The following UBQLN1 variants were observed in gnomAD, a reference collection of about 807,000 sequenced individuals.
UBQLN1 encodes ubiquilin-1.
UBQLN1 carries 13 observed loss-of-function variants against 65.4 expected under a neutral mutation model. The ratio of observed to expected loss-of-function variants is 0.20; its 90% CI spans 0.13 to 0.32. UBQLN1 has a LOEUF of 0.32. Among genes scored for constraint, UBQLN1 ranks in the 10% least tolerant of loss-of-function variants. The pLI is 1.00. For missense variants in UBQLN1, 561 were observed against 724.0 expected (o/e 0.77, Z 2.58); for synonymous variants, 267 against 247.8 (o/e 1.08, Z -0.73).
chr9:83,663,764 A>T, intron 10 of UBQLN1, 111 bp downstream of exon 10: 1 of 1,193,378 alleles, frequency 8.4e-7, no homozygotes, highest in Non-Finnish European at 1.2e-6. Context: ...TCATTAATCT[A>T]AACACCTAAG....
In UBQLN1 at chr9:83,672,261, T is replaced by C. The variant is rs144859352; in HGVS notation, c.1106-2934A>G. Among the ~76,000 whole-genome samples the C allele has an allele frequency of 2.6e-4, 39 of 152,354 alleles. 1 individual carries two copies. The East Asian group carries it at 6.9e-3, about 27-fold the overall frequency. ...GCTTTCTTGTCATTCATGTCTTCACTGGAGTAGCACTTATAATTTTCTTCA... is the reference window on the plus strand; with the variant it reads ...GCTTTCTTGTCATTCATGTCTTCACCGGAGTAGCACTTATAATTTTCTTCA... On this transcript the variant is annotated intron_variant, in intron 6 of 10. Coordinates refer to ENST00000376395, the MANE Select transcript of UBQLN1 (RefSeq NM_013438.5).
chr9:83,703,036 A>C (rs1832337162), intron 1 of UBQLN1, among the ~76,000 whole-genome samples: 1 of 151,608 alleles, frequency 6.6e-6, no homozygotes, highest in Non-Finnish European at 1.5e-5. Context: ...TTACACAGAA[A>C]CTCCCCTCCA....
chr9:83,667,027 C>T (rs1461369352), intron 7 of UBQLN1: 1 of 152,198 alleles, frequency 6.6e-6, no homozygotes, highest in African/African-American at 2.4e-5. Flanking sequence ...CTAGCACCAA[C>T]AGTCCTCTGG....
At chr9:83,666,550 G>T in intron 7 of UBQLN1, 117 bp from the exon 8 acceptor site, 4 of 895,168 alleles carry the variant, frequency 4.5e-6, no homozygotes, top group Non-Finnish European at 6.9e-6. Context: ...GAGGAAGGTA[G>T]AACATAAATA....
At chr9:83,663,209 AC>A (rs1386800192) in intron 10 of UBQLN1, among the ~76,000 whole-genome samples, 4 of 152,084 alleles carry the variant, frequency 2.6e-5, no homozygotes, top group Admixed American at 2.0e-4. Context: ...GAAAAAAGAA[AC>A]CCAGAAAAGA....
At position 83,696,097 on chromosome 9, in the gene UBQLN1, G is replaced by A. The variant is rs1484757764; in HGVS notation, c.181-9942C>T. Among the ~76,000 whole-genome samples the A allele has an allele frequency of 3.3e-5, 5 of 152,172 alleles. No individual in the cohort carries two copies. In the East Asian group the frequency reaches 5.8e-4, roughly 18 times the overall value. ...TGGGACTACAGGTGCACACCACCAC[G>A]CCCAGCTAATTTTTGTATTCTTAGT... is the stretch of plus-strand genomic sequence containing the variant. On this transcript the variant is annotated intron_variant, in intron 1 of 10. Coordinates refer to ENST00000376395, the MANE Select transcript of UBQLN1 (RefSeq NM_013438.5).
intron 2 of UBQLN1, among the ~76,000 whole-genome samples, chr9:83,683,602 G>C (rs150272999): frequency 6.6e-6 from 1 of 152,098 alleles, no homozygotes; most frequent in African/African-American, 2.4e-5. Context: ...CCTCCTCTTT[G>C]AGTATAATGT....
At chr9:83,682,227 G>T (rs1831952768) in intron 3 of UBQLN1, among the ~76,000 whole-genome samples, 1 of 152,086 alleles carries the variant, frequency 6.6e-6, no homozygotes, top group Non-Finnish European at 1.5e-5. Flanking sequence ...AGAGGTTGCG[G>T]TGAGCCTAGA....
rs1166312633 is a variant in UBQLN1, at chr9:83,663,973, G to C, written c.1519C>G (p.Pro507Ala). 1 of 1,613,994 alleles carries C rather than the reference G, an allele frequency of 6.2e-7. No individual in the cohort carries two copies. The highest frequency in any genetic ancestry group is 8.5e-7 in the Non-Finnish European group (1 of 1,180,004). ...GCTGTGGGACTTGTGTTTTCACTAG[G>C]TGTGGCGTTAGATCCATTAGTTCCC... Reference protein sequence around the residue: ...SSGTNGSNATPSENTSPTAGT... With the variant: ...SSGTNGSNATASENTSPTAGT... The change falls in exon 10 of 11, where the codon CCT becomes GCT. Residue 507 changes from proline (P) to alanine (A), a missense_variant. Pro to Ala is a conservative substitution (Grantham distance 27, BLOSUM62 -1). This residue lies in a region of UBQLN1 where 68 missense variants were observed against 62.2 expected (regional missense o/e 1.09). Transcript: ENST00000376395.
Position 83,669,215 on chromosome 9 carries a change from T to G in UBQLN1, c.1218A>C (p.Ser406=). The stretch of plus-strand genomic sequence containing the variant: ...CAGCAAGGTCAGGATTCTGGCTTAG[T>G]GACTGCATCATGCTTCTCATGTAGG... ...SAPYMRSMMQ[S]LSQNPDLAAQ... The change falls in exon 7 of 11, where the codon TCA becomes TCC. Residue 406 remains serine (S), a synonymous_variant. Transcript: ENST00000376395. 6.2e-7 allele frequency: 1 copy of G among 1,612,206 alleles called. No individual in the cohort carries two copies. The highest frequency in any genetic ancestry group is 8.5e-7 in the Non-Finnish European group (1 of 1,179,662).
chr9:83,665,344 C>T (rs1477777833), intron 8 of UBQLN1, 199 bp from the exon 9 acceptor site: 1 of 444,564 alleles, frequency 2.2e-6, no homozygotes. Context: ...ATTACTTGAC[C>T]TCCTCCTAAG....
At chr9:83,677,988 A>G (rs754150159) in intron 5 of UBQLN1, 27 bp from the exon 6 acceptor site, 2 of 1,538,512 alleles carry the variant, frequency 1.3e-6, no homozygotes, top group Non-Finnish European at 1.8e-6. Context: ...AAAAAATCAC[A>G]AAGAATAAGC....
chr9:83,695,727 T>C (rs979466381), intron 1 of UBQLN1, among the ~76,000 whole-genome samples: 16 of 152,162 alleles, frequency 1.1e-4, no homozygotes, highest in African/African-American at 2.2e-4. Flanking sequence ...TAACTCATAG[T>C]TGTATAAATT....
At chr9:83,690,148 C>G (rs1832102717) in intron 1 of UBQLN1, among the ~76,000 whole-genome samples, 1 of 152,142 alleles carries the variant, frequency 6.6e-6, no homozygotes, top group South Asian at 2.1e-4. Flanking sequence ...AAAATACAAT[C>G]AACATTTGAA....
At chr9:83,681,587 G>C (rs1831941156) in intron 3 of UBQLN1, among the ~76,000 whole-genome samples, 2 of 152,204 alleles carry the variant, frequency 1.3e-5, no homozygotes, top group Admixed American at 6.5e-5. Context: ...GAGGGGGACT[G>C]AATACTAGGC....
At chr9:83,701,939 A>G (rs1481467159) in intron 1 of UBQLN1, among the ~76,000 whole-genome samples, 1 of 152,240 alleles carries the variant, frequency 6.6e-6, no homozygotes, top group Non-Finnish European at 1.5e-5. Flanking sequence ...GAAAAATAAA[A>G]TGTGGAATGC....
chr9:83,689,119 ATTTCTAC>A (rs142409341), intron 1 of UBQLN1, among the ~76,000 whole-genome samples: 3,766 of 152,256 alleles, frequency 0.025, 144 homozygotes, highest in African/African-American at 0.084. Flanking sequence ...GAAACCAGTA[ATTTCTAC>A]TTTCTGTTTC....
intron 2 of UBQLN1, among the ~76,000 whole-genome samples, chr9:83,683,290 T>C (rs1487526329): frequency 6.6e-6 from 1 of 151,928 alleles, no homozygotes; most frequent in African/African-American, 2.4e-5. Flanking sequence ...CGAGTGCCTA[T>C]AGTCCCAGCT....
chr9:83,683,194 C>A, intron 2 of UBQLN1, 128 bp from the exon 3 acceptor site: 1 of 532,770 alleles, frequency 1.9e-6, no homozygotes, highest in Middle Eastern at 5.4e-4. Context: ...TGGCTGATCA[C>A]GAGGTCAAGA....
Sources: gnomAD v4.1 joint callset for allele counts (sites outside exome capture counted in the v4.1 genomes callset) on GRCh38, gnomAD v4.1.1 for gene constraint, gnomAD v4.1.1 regional missense constraint, MANE v1.5 for transcripts, NCBI Gene and HGNC (gene_info 2026-07-23, HGNC 2026-07-21) for gene names.